Variants in KIAA1217 observed in about 807,000 individuals in gnomAD.
The protein encoded by KIAA1217 is sickle tail protein homolog.
KIAA1217 carries 88 observed loss-of-function variants against 163.9 expected under a neutral mutation model. The ratio of observed to expected loss-of-function variants is 0.54; its 90% CI spans 0.45 to 0.64. The LOEUF (loss-of-function observed/expected upper bound fraction) is 0.64. Ranked by LOEUF, KIAA1217 falls within the 30% of genes least tolerant of loss-of-function variation. The pLI is 0.00. For missense variants in KIAA1217, 2,372 were observed against 2,475.0 expected (o/e 0.96, Z 0.88); for synonymous variants, 903 against 923.1 (o/e 0.98, Z 0.39).
intron 1 of KIAA1217, among the ~76,000 whole-genome samples, chr10:23,769,186 C>T (rs370003918): frequency 7.9e-5 from 12 of 152,198 alleles, no homozygotes; most frequent in East Asian, 1.9e-4. Flanking sequence ...CAGTGAGTCA[C>T]GAGTGCTGGT....
At chr10:24,520,645 A>ATAT (rs1166258106) in intron 11 of KIAA1217, among the ~76,000 whole-genome samples, 75 of 86,374 alleles carry the variant, frequency 8.7e-4, no homozygotes, top group Middle Eastern at 5.3e-3. Flanking sequence ...AAAAAAAAAA[A>ATAT]AAAAAAATAT....
intron 3 of KIAA1217, among the ~76,000 whole-genome samples, chr10:24,383,165 A>G (rs2053544012): frequency 6.6e-6 from 1 of 152,060 alleles, no homozygotes; most frequent in South Asian, 2.1e-4. Context: ...GTGCTTTCTT[A>G]ACTCCACTCA....
At chr10:24,120,336 A>G (rs1239767738) in intron 2 of KIAA1217, among the ~76,000 whole-genome samples, 3 of 152,088 alleles carry the variant, frequency 2.0e-5, no homozygotes, top group African/African-American at 7.2e-5. Flanking sequence ...CCATGAACCC[A>G]CCCTTGGGAG....
intron 3 of KIAA1217, among the ~76,000 whole-genome samples, chr10:24,424,066 C>T (rs188155613): frequency 6.6e-6 from 1 of 150,818 alleles, no homozygotes; most frequent in East Asian, 2.0e-4. Context: ...TAAAGTTATT[C>T]CAAATTTTTT....
intron 5 of KIAA1217, among the ~76,000 whole-genome samples, chr10:24,454,155 C>T (rs2061594326): frequency 6.6e-6 from 1 of 152,124 alleles, no homozygotes; most frequent in African/African-American, 2.4e-5. Context: ...AGACGATCAG[C>T]ATCGTACTAT....
chr10:24,012,876 T>G (rs56659202), intron 2 of KIAA1217, among the ~76,000 whole-genome samples: 1,577 of 152,266 alleles, frequency 0.01, 33 homozygotes, highest in African/African-American at 0.036. Context: ...AGAACTATTT[T>G]GGGGAGGATG....
At chr10:23,865,173 T>C (rs1478788431) in intron 1 of KIAA1217, among the ~76,000 whole-genome samples, 1 of 152,180 alleles carries the variant, frequency 6.6e-6, no homozygotes, top group Non-Finnish European at 1.5e-5. Context: ...TTCATATCAA[T>C]AATTACAATA....
At chr10:24,346,002 A>T (rs978899514) in intron 2 of KIAA1217, among the ~76,000 whole-genome samples, 1 of 151,970 alleles carries the variant, frequency 6.6e-6, no homozygotes, top group Non-Finnish European at 1.5e-5. Context: ...CCACCATTCT[A>T]CTTTCTGTCT....
intron 1 of KIAA1217, among the ~76,000 whole-genome samples, chr10:23,849,778 A>G (rs972475215): frequency 2.6e-5 from 4 of 152,102 alleles, no homozygotes; most frequent in African/African-American, 7.2e-5. Flanking sequence ...ATTCCCTAGA[A>G]CTGGTCAAAA....
At chr10:23,950,551 C>T (rs1844292749) in intron 1 of KIAA1217, among the ~76,000 whole-genome samples, 2 of 151,798 alleles carry the variant, frequency 1.3e-5, no homozygotes, top group Non-Finnish European at 2.9e-5. Context: ...TAGGGGTTTA[C>T]TGGCTTTATC....
chr10:23,960,371 C>T (rs1487661213), intron 1 of KIAA1217, among the ~76,000 whole-genome samples: 1 of 152,206 alleles, frequency 6.6e-6, no homozygotes, highest in Non-Finnish European at 1.5e-5. Context: ...AATTCTCCTG[C>T]CTCAGCCTCC....
rs919133079 is a variant in KIAA1217, at chr10:24,109,980, C to T, written c.-171+102606C>T. 1.1e-4 allele frequency among the ~76,000 whole-genome samples: 16 copies of T among 152,242 alleles called. 1 individual carries two copies. Among genetic ancestry groups the T allele is most frequent in the African/African-American group, 3.9e-4 (16 of 41,466 alleles). On this transcript the variant is annotated intron_variant, in intron 2 of 18. Coordinates refer to the KIAA1217 transcript ENST00000376462. ...TGCTGGGTGCAAGGGTTTCTCCCAA[C>T]TCAGCCTCCCAAGTAGTTGGGACTA...
intron 2 of KIAA1217, among the ~76,000 whole-genome samples, chr10:24,012,556 C>T (rs1206745315): frequency 6.6e-6 from 1 of 152,184 alleles, no homozygotes; most frequent in Non-Finnish European, 1.5e-5. Context: ...TAGTCTCTTC[C>T]TTCAAGGCTG....
chr10:24,330,757 G>A (rs2133540416), intron 2 of KIAA1217, among the ~76,000 whole-genome samples: 1 of 151,196 alleles, frequency 6.6e-6, no homozygotes, highest in Admixed American at 6.6e-5. Flanking sequence ...TGGGACTACA[G>A]GTGCATGCCA....
chr10:24,053,464 C>G (rs559742373), intron 2 of KIAA1217, among the ~76,000 whole-genome samples: 1 of 152,054 alleles, frequency 6.6e-6, no homozygotes, highest in East Asian at 1.9e-4. Context: ...TTTTAACATA[C>G]TCATTAGTTT....
At chr10:24,529,770 T>G (rs1445411226) in intron 14 of KIAA1217, among the ~76,000 whole-genome samples, 3 of 151,488 alleles carry the variant, frequency 2.0e-5, no homozygotes, top group Non-Finnish European at 4.4e-5. Context: ...GGAGAATTTC[T>G]GATGGAGAAA....
chr10:24,423,315 C>G (rs2058904614), intron 3 of KIAA1217, among the ~76,000 whole-genome samples: 1 of 151,034 alleles, frequency 6.6e-6, no homozygotes, highest in Non-Finnish European at 1.5e-5. Flanking sequence ...GTCAGAGACT[C>G]AGTTTGTCGC....
intron 2 of KIAA1217, among the ~76,000 whole-genome samples, chr10:24,308,291 G>T (rs907630701): frequency 6.6e-6 from 1 of 152,188 alleles, no homozygotes; most frequent in Non-Finnish European, 1.5e-5. Flanking sequence ...CCCTCGTAAG[G>T]ATATACCGTT....
In KIAA1217 at chr10:24,393,114, G is replaced by T. The variant is rs118038262; in HGVS notation, c.553+12047G>T. Among the ~76,000 whole-genome samples the T allele has an allele frequency of 6.4e-4, 97 of 152,214 alleles. 1 individual carries two copies. The East Asian group carries it at 0.018, about 28-fold the overall frequency. ...AATTAAGACGCAAGCCAGTTTTATGGCATACACCCAAGTAGAACTTCATCC... is the reference window on the plus strand; with the variant it reads ...AATTAAGACGCAAGCCAGTTTTATGTCATACACCCAAGTAGAACTTCATCC... On this transcript the variant is annotated intron_variant, in intron 3 of 20. Transcript: ENST00000376454.
Sources: gnomAD v4.1 joint callset for allele counts (sites outside exome capture counted in the v4.1 genomes callset) on GRCh38, gnomAD v4.1.1 for gene constraint, MANE v1.5 for transcripts, NCBI Gene and HGNC (gene_info 2026-07-23, HGNC 2026-07-21) for gene names.